The following MTMR4 variants were observed in gnomAD, a reference collection of about 807,000 sequenced individuals.
MTMR4 encodes myotubularin related protein 4.
MTMR4 carries 30 observed loss-of-function variants against 125.5 expected under a neutral mutation model. The observed-to-expected ratio is 0.24, with a 90% CI of 0.18 to 0.32. MTMR4 has a LOEUF of 0.32. MTMR4 is among the 10% of genes least tolerant of loss of function. MTMR4 has a pLI of 1.00. For missense variants in MTMR4, 1,039 were observed against 1,511.5 expected (o/e 0.69, Z 5.18); for synonymous variants, 498 against 564.5 (o/e 0.88, Z 1.67).
Position 58,504,596 on chromosome 17 carries a change from G to A in MTMR4, c.1342-108C>T. The A allele has an allele frequency of 2.1e-6, 3 of 1,402,380 alleles. No homozygotes were observed. Among genetic ancestry groups the A allele is most frequent in the Non-Finnish European group, 2.9e-6 (3 of 1,036,866 alleles). The allele number at this position is 1,402,380 out of a possible 1,614,324, so 86.9% of individuals were successfully genotyped here. The stretch of plus-strand genomic sequence containing the variant: ...AAGCTGGCAGCTTCAAAGAAAAATA[G>A]GACTGGACCTAGAAGAGGACTCAAA... On this transcript the variant is annotated intron_variant, in intron 11 of 17. Transcript: ENST00000682306. This position sits in a 1 kb window ranked among gnomAD's most constrained non-coding sequence, Gnocchi z 7.1.
At chr17:58,497,128 A>G (rs1975491228) in intron 14 of MTMR4, among the ~76,000 whole-genome samples, 1 of 152,210 alleles carries the variant, frequency 6.6e-6, no homozygotes, top group South Asian at 2.1e-4. Context: ...AAGTCCTTAG[A>G]GCAATGAAAA....
chr17:58,512,643 A>G lies in MTMR4; in HGVS notation c.136-137T>C. Reference sequence around the variant, plus strand: ...GGAGAGTTCTCTCCACGGTAACAGCACCAGGCAACAGCTGTACAGGAAAGC... The same window carrying G: ...GGAGAGTTCTCTCCACGGTAACAGCGCCAGGCAACAGCTGTACAGGAAAGC... On this transcript the variant is annotated intron_variant, in intron 2 of 17. Transcript: ENST00000682306. This position sits in a 1 kb window ranked among gnomAD's most constrained non-coding sequence, Gnocchi z 4.1. The G allele has an allele frequency of 8.5e-6, 7 of 819,476 alleles. No homozygotes were observed. The highest frequency in any genetic ancestry group is 1.4e-5 in the Non-Finnish European group (7 of 495,126). The allele number at this position is 819,476 out of a possible 1,614,324, so 50.8% of individuals were successfully genotyped here. A position where few individuals can be genotyped will look rare whatever the true frequency, so the allele number is the denominator to read the frequency against.
chr17:58,490,431 CAAAAT>C lies in MTMR4; in HGVS notation c.*1227_*1231del, dbSNP rs1389761572. 6.6e-6 allele frequency: 1 copy of C among 152,478 alleles called. No homozygotes were observed. Among genetic ancestry groups the C allele is most frequent in the Non-Finnish European group, 1.5e-5 (1 of 68,002 alleles). 9.4% of individuals were successfully genotyped at this position (152,478 alleles called of 1,614,324 possible). On this transcript the variant is annotated 3_prime_UTR_variant, in exon 18 of 18. Transcript: ENST00000682306. ...AAAAACAAAAACAAAAACAAAAAAACAAAATAAAATTTTTTAAAAACCAACAACGT... is the reference window on the plus strand; with the variant it reads ...AAAAACAAAAACAAAAACAAAAAAACAAAATTTTTTAAAAACCAACAACGT...
intron 9 of MTMR4, among the ~76,000 whole-genome samples, chr17:58,505,975 G>C (rs921044740): frequency 6.6e-6 from 1 of 152,192 alleles, no homozygotes; most frequent in Admixed American, 6.5e-5. Flanking sequence ...GGTCCTGGTG[G>C]ACAAAGCTTT....
intron 4 of MTMR4, among the ~76,000 whole-genome samples, chr17:58,509,895 T>C (rs879854937): frequency 5.3e-5 from 8 of 152,192 alleles, no homozygotes; most frequent in Non-Finnish European, 1.0e-4. Flanking sequence ...TTAATAAACC[T>C]TGGAGTCATC....
chr17:58,514,422 T>G lies in MTMR4; in HGVS notation c.-15A>C. On this transcript the variant is annotated 5_prime_UTR_variant, in exon 1 of 18. Transcript: ENST00000682306. ...GTCAGGCTCATGGTCGCGGGCGGTC[T>G]GGGCCAGCGCACATGTCCCCGGAGC... is the stretch of plus-strand genomic sequence containing the variant. 2 of 985,942 alleles carry G rather than the reference T, an allele frequency of 2.0e-6. No individual in the cohort carries two copies. Among genetic ancestry groups the G allele is most frequent in the Non-Finnish European group, 2.4e-6 (2 of 830,044 alleles). The allele number at this position is 985,942 out of a possible 1,614,324, so 61.1% of individuals were successfully genotyped here.
At chr17:58,493,580 C>T (rs1413157690) in intron 15 of MTMR4, among the ~76,000 whole-genome samples, 5 of 152,194 alleles carry the variant, frequency 3.3e-5, no homozygotes, top group African/African-American at 7.2e-5. Context: ...TCTCAAACTT[C>T]TTGGCTAAAG....
chr17:58,507,095 T>TG lies in MTMR4; in HGVS notation c.904+27dup, dbSNP rs749824776. ...GAAGCCAAGGAGGGGGCCTGCTCCC[T>TG]GGGGGGTTAGCATCATCCACACCTT... On this transcript the variant is annotated intron_variant, in intron 8 of 17. Transcript: ENST00000682306. 3.1e-6 allele frequency: 5 copies of TG among 1,613,208 alleles called. No homozygotes were observed. The Admixed American group carries it at 6.7e-5, about 22-fold the overall frequency.
At position 58,495,936 on chromosome 17, in the gene MTMR4, A is replaced by G; in HGVS notation, c.2248T>C (p.Ser750Pro). The change falls in exon 15 of 18, where the codon TCT becomes CCT. Residue 750 changes from serine to proline, a missense_variant. This residue lies in a region of MTMR4 where 619 missense variants were observed against 714.5 expected (regional missense o/e 0.87). Transcript: ENST00000682306. ...GTCCTACCCAGCTCATCCTGGGCAG[A>G]AGGGTCTGGAGCTGGTCCCTTAGTC... The part of the protein sequence containing the change: ...EETKGPAPDP[S>P]AQDELGRTLD... The G allele has an allele frequency of 1.9e-6, 3 of 1,614,174 alleles. No homozygotes were observed. The highest frequency in any genetic ancestry group is 2.5e-6 in the Non-Finnish European group (3 of 1,180,028).
intron 8 of MTMR4, 98 bp from the exon 9 acceptor site, chr17:58,506,969 G>A: frequency 6.4e-7 from 1 of 1,558,164 alleles, no homozygotes; most frequent in African/African-American, 1.4e-5. Flanking sequence ...CATGCAACTA[G>A]AGACCCCTCA....
At chr17:58,503,615 A>T in intron 14 of MTMR4, 129 bp downstream of exon 14, 1 of 1,186,670 alleles carries the variant, frequency 8.4e-7, no homozygotes. Context: ...CACCACTGGC[A>T]CTCCACCCTG....
chr17:58,508,140 T>C lies in MTMR4; in HGVS notation c.707+21A>G, dbSNP rs977941020. The C allele has an allele frequency of 6.3e-7, 1 of 1,592,946 alleles. No homozygotes were observed. Among genetic ancestry groups the C allele is most frequent in the Non-Finnish European group, 8.6e-7 (1 of 1,162,694 alleles). On this transcript the variant is annotated intron_variant, in intron 7 of 17. Transcript: ENST00000682306. This position sits in a 1 kb window ranked among gnomAD's most constrained non-coding sequence, Gnocchi z 4.8. ...GTTGCATAAGAAATGGCCTCCCTAC[T>C]TCCCAGCCCCACTGCCTCACCTATA... is the stretch of plus-strand genomic sequence containing the variant.
Position 58,496,318 on chromosome 17 carries a change from G to C in MTMR4, c.1866C>G (p.Thr622=). 1.2e-6 allele frequency: 2 copies of C among 1,603,456 alleles called. No homozygotes were observed. Among genetic ancestry groups the C allele is most frequent in the South Asian group, 1.1e-5 (1 of 89,616 alleles). The change falls in exon 15 of 18, where the codon ACC becomes ACG. Residue 622 remains threonine (T), a synonymous_variant. Coordinates refer to ENST00000682306, the MANE Select transcript of MTMR4 (RefSeq NM_001378067.1). ...SGRSLDRLPK[T]RSMDDLLSAC... ...CAGAAAGAAGATCATCCATGGATCT[G>C]GTTTTAGGTAATCTGGAAAGACAAA...
Position 58,506,815 on chromosome 17 carries a change from G to T in MTMR4, c.961C>A (p.Leu321Met). 6.2e-7 allele frequency: 1 copy of T among 1,613,806 alleles called. No individual in the cohort carries two copies. Among genetic ancestry groups the T allele is most frequent in the Non-Finnish European group, 8.5e-7 (1 of 1,179,966 alleles). The stretch of plus-strand genomic sequence containing the variant: ...GTGTAGGATCGCGCATCCAGGATCA[G>T]CAGCTTTTGAGGAGCTGCTGTGCTC... ...VESTAAPQKL[L>M]ILDARSYTAA... Residue 321 changes from leucine (L) to methionine (M), a missense_variant, in exon 9 of 18, where the codon CTG becomes ATG. Transcript: ENST00000682306.
At chr17:58,505,048 A>G in intron 10 of MTMR4, 74 bp from the exon 11 acceptor site, 1 of 1,413,096 alleles carries the variant, frequency 7.1e-7, no homozygotes, top group South Asian at 1.4e-5. Flanking sequence ...ATCCACAGCC[A>G]GCCCCACCCA....
chr17:58,494,380 C>T (rs994730207), intron 15 of MTMR4, among the ~76,000 whole-genome samples: 4 of 149,212 alleles, frequency 2.7e-5, no homozygotes, highest in African/African-American at 7.4e-5. Flanking sequence ...TAAACTACAA[C>T]TCTGATCATA....
chr17:58,505,977 C>A (rs1400532325), intron 9 of MTMR4, among the ~76,000 whole-genome samples: 1 of 152,130 alleles, frequency 6.6e-6, no homozygotes, highest in Non-Finnish European at 1.5e-5. Flanking sequence ...TCCTGGTGGA[C>A]AAAGCTTTCC....
Position 58,512,492 on chromosome 17 carries a change from C to T in MTMR4, c.150G>A (p.Val50=), listed in dbSNP as rs866858121. 6.2e-7 allele frequency: 1 copy of T among 1,613,940 alleles called. No homozygotes were observed. The highest frequency in any genetic ancestry group is 1.3e-5 in the African/African-American group (1 of 75,036). Residue 50 remains valine, a synonymous_variant, in exon 3 of 18, where the codon GTG becomes GTA. Coordinates refer to ENST00000682306, the MANE Select transcript of MTMR4 (RefSeq NM_001378067.1). This position sits in a 1 kb window ranked among gnomAD's most constrained non-coding sequence, Gnocchi z 4.1. ...EEENLQVPFT[V]LQGEGVEFLG... is the part of the protein sequence containing the mutation. ...GGAACTCTACTCCCTCACCCTGCAG[C>T]ACTGTGAAGGGGACCTGTCAAGGGG...
intron 4 of MTMR4, 53 bp downstream of exon 4, chr17:58,511,376 G>C: frequency 6.8e-7 from 1 of 1,473,110 alleles, no homozygotes; most frequent in Non-Finnish European, 9.4e-7. Flanking sequence ...GCAGCACAGA[G>C]AACTGGACAA....
Sources: allele counts gnomAD v4.1 joint callset (sites outside exome capture counted in the v4.1 genomes callset), GRCh38; gene constraint gnomAD v4.1.1; regional missense constraint gnomAD v4.1.1; non-coding constraint Gnocchi (gnomAD v3.1); transcripts MANE v1.5; gene names NCBI Gene and HGNC (gene_info 2026-07-23, HGNC 2026-07-21).